The following GPATCH2 variants were observed in gnomAD, a reference collection of about 807,000 sequenced individuals.
GPATCH2 encodes the protein G patch domain-containing protein 2.
GPATCH2 carries 51 observed loss-of-function variants against 58.0 expected under a neutral mutation model. That is an observed-to-expected ratio of 0.88 (90% CI 0.70 to 1.11). The LOEUF (loss-of-function observed/expected upper bound fraction) is 1.11, where lower values mean the gene tolerates loss of function less well. Ranked by LOEUF, GPATCH2 falls within the 50% of genes most tolerant of loss-of-function variation. The pLI, the probability that GPATCH2 is intolerant of heterozygous loss-of-function variation, is 0.00. For missense variants in GPATCH2, 625 were observed against 652.2 expected, an observed-to-expected ratio of 0.96 and a Z score of 0.45; for synonymous variants, 222 against 218.5, an observed-to-expected ratio of 1.02 and a Z score of -0.14.
intron 8 of GPATCH2, among the ~76,000 whole-genome samples, chr1:217,456,110 C>T (rs1374125040): frequency 2.0e-5 from 3 of 152,056 alleles, no homozygotes; most frequent in Admixed American, 6.5e-5. Flanking sequence ...CCTGTGTGAC[C>T]GAATTCTTCC....
chr1:217,614,296 T>G lies in GPATCH2; in HGVS notation c.774-94A>C, dbSNP rs1668777826. 25 of 719,500 alleles carry G rather than the reference T, an allele frequency of 3.5e-5. No homozygotes were observed. In the South Asian group the frequency reaches 4.2e-4, roughly 12 times the overall value. The allele number at this position is 719,500 out of a possible 1,614,324, so 44.6% of individuals were successfully genotyped here. On this transcript the variant is annotated intron_variant, in intron 2 of 9. Coordinates refer to ENST00000366935, the MANE Select transcript of GPATCH2 (RefSeq NM_018040.5). ...AGACATGGCAGCTCAGAGATGGAACTTAAGCCTGACAAAGATCTGAAAGAA... is the reference window on the plus strand; with the variant it reads ...AGACATGGCAGCTCAGAGATGGAACGTAAGCCTGACAAAGATCTGAAAGAA...
At chr1:217,626,231 C>T (rs958484789) in intron 1 of GPATCH2, among the ~76,000 whole-genome samples, 2 of 152,130 alleles carry the variant, frequency 1.3e-5, no homozygotes, top group African/African-American at 2.4e-5. Flanking sequence ...AATAAATAAT[C>T]ATTAATGTAT....
intron 5 of GPATCH2, among the ~76,000 whole-genome samples, chr1:217,532,956 T>C (rs958889811): frequency 1.6e-4 from 24 of 145,778 alleles, no homozygotes. Context: ...TGGAGTGCAG[T>C]GGTGCCATCA....
At chr1:217,464,636 C>T (rs1279256561) in intron 8 of GPATCH2, among the ~76,000 whole-genome samples, 3 of 151,976 alleles carry the variant, frequency 2.0e-5, no homozygotes, top group Admixed American at 1.3e-4. Context: ...CGAACTGGAG[C>T]AGAACAGAGG....
At chr1:217,606,630 A>G (rs892048832) in intron 5 of GPATCH2, among the ~76,000 whole-genome samples, 2 of 151,990 alleles carry the variant, frequency 1.3e-5, no homozygotes, top group Non-Finnish European at 2.9e-5. Context: ...AGACCCTGCT[A>G]CTCAGGAGGC....
intron 5 of GPATCH2, chr1:217,608,783 T>C (rs1571646981): frequency 2.0e-6 from 2 of 983,244 alleles, no homozygotes; most frequent in Non-Finnish European, 1.2e-6. Context: ...TCCAAAGACA[T>C]AGCACAGAAA....
intron 6 of GPATCH2, among the ~76,000 whole-genome samples, chr1:217,513,024 T>A (rs71645480): frequency 0.021 from 3,265 of 152,268 alleles, 49 homozygotes; most frequent in Admixed American, 0.032. Flanking sequence ...GCGCGGTGGC[T>A]CACACCTGTA....
At chr1:217,598,663 C>T (rs1032692471) in intron 5 of GPATCH2, among the ~76,000 whole-genome samples, 2 of 151,938 alleles carry the variant, frequency 1.3e-5, no homozygotes, top group Non-Finnish European at 2.9e-5. Flanking sequence ...GATGGGGTTT[C>T]ACCATGTTGG....
At chr1:217,590,813 T>C (rs559372885) in intron 5 of GPATCH2, among the ~76,000 whole-genome samples, 2 of 152,314 alleles carry the variant, frequency 1.3e-5, no homozygotes, top group South Asian at 4.1e-4. Flanking sequence ...TTACACTATT[T>C]CATCTTATCT....
chr1:217,454,615 T>TAAA (rs1245191673), intron 8 of GPATCH2, among the ~76,000 whole-genome samples: 26 of 145,844 alleles, frequency 1.8e-4, no homozygotes, highest in African/African-American at 6.0e-4. Context: ...AAAAAACCTT[T>TAAA]CCTTTTTTTT....
At chr1:217,603,155 T>G (rs1229024407) in intron 5 of GPATCH2, among the ~76,000 whole-genome samples, 1 of 152,162 alleles carries the variant, frequency 6.6e-6, no homozygotes, top group Non-Finnish European at 1.5e-5. Context: ...ACATTCACTT[T>G]GCAAGGTTCC....
intron 9 of GPATCH2, among the ~76,000 whole-genome samples, chr1:217,444,904 A>G (rs972892635): frequency 4.6e-5 from 7 of 152,216 alleles, no homozygotes; most frequent in African/African-American, 1.7e-4. Context: ...ATTTCTGATT[A>G]TATTTGGCAT....
chr1:217,509,717 C>G (rs1361424405), intron 6 of GPATCH2, among the ~76,000 whole-genome samples: 1 of 152,092 alleles, frequency 6.6e-6, no homozygotes, highest in African/African-American at 2.4e-5. Flanking sequence ...AATCTTGAAC[C>G]GAGAGCCTAT....
intron 5 of GPATCH2, among the ~76,000 whole-genome samples, chr1:217,567,944 G>T (rs570699585): frequency 6.6e-6 from 1 of 152,068 alleles, no homozygotes; most frequent in Non-Finnish European, 1.5e-5. Flanking sequence ...GTGAAACCCC[G>T]TCTCCACTAA....
At chr1:217,628,094 A>G (rs773293797) in intron 1 of GPATCH2, among the ~76,000 whole-genome samples, 1 of 152,120 alleles carries the variant, frequency 6.6e-6, no homozygotes, top group South Asian at 2.1e-4. Context: ...CTGAATTCCT[A>G]TAACAGGAAT....
intron 8 of GPATCH2, among the ~76,000 whole-genome samples, chr1:217,454,872 G>A (rs554889128): frequency 7.9e-5 from 12 of 151,920 alleles, no homozygotes; most frequent in African/African-American, 2.7e-4. Context: ...GACCTCAAGC[G>A]ATCCGCCCAC....
chr1:217,572,454 A>C (rs1341853216), intron 5 of GPATCH2, among the ~76,000 whole-genome samples: 1 of 152,230 alleles, frequency 6.6e-6, no homozygotes, highest in Admixed American at 6.5e-5. Flanking sequence ...TTCAATCTGT[A>C]AAAATGTATT....
intron 5 of GPATCH2, among the ~76,000 whole-genome samples, chr1:217,586,331 A>G (rs1558505194): frequency 6.6e-6 from 1 of 152,026 alleles, no homozygotes; most frequent in Non-Finnish European, 1.5e-5. Context: ...CTTCCTTTAT[A>G]TTCTTGTTCT....
chr1:217,487,781 C>A (rs142727655), intron 8 of GPATCH2, among the ~76,000 whole-genome samples: 1 of 149,300 alleles, frequency 6.7e-6, no homozygotes, highest in Non-Finnish European at 1.5e-5. Flanking sequence ...CTCACTCTGT[C>A]GCCCAGGCTG....
Sources: gnomAD v4.1 joint callset for allele counts (sites outside exome capture counted in the v4.1 genomes callset) on GRCh38, gnomAD v4.1.1 for gene constraint, MANE v1.5 for transcripts, NCBI Gene and HGNC (gene_info 2026-07-23, HGNC 2026-07-21) for gene names.